CCM2: variants seen among roughly 807,000 people sequenced by gnomAD.
CCM2 encodes the protein cerebral cavernous malformations 2 protein.
A neutral mutation model predicts 44.9 loss-of-function variants in CCM2; 25 were observed. That is an observed-to-expected ratio of 0.56 (90% CI 0.41 to 0.78). The LOEUF (loss-of-function observed/expected upper bound fraction) is 0.78, where lower values mean the gene tolerates loss of function less well. CCM2 is among the 30% of genes least tolerant of loss of function. CCM2 has a pLI of 0.00. For synonymous variants in CCM2, 219 were observed against 241.1 expected, an observed-to-expected ratio of 0.91 and a Z score of 0.85; for missense variants, 481 against 580.6, an observed-to-expected ratio of 0.83 and a Z score of 1.76.
chr7:45,062,106 G>C (rs188589196), intron 2 of CCM2, among the ~76,000 whole-genome samples: 25 of 152,138 alleles, frequency 1.6e-4, no homozygotes, highest in Admixed American at 1.4e-3. Context: ...TCAATTATCT[G>C]ATGGATCTGA....
chr7:45,024,222 T>C (rs1479175198), intron 1 of CCM2, among the ~76,000 whole-genome samples: 1 of 152,202 alleles, frequency 6.6e-6, no homozygotes, highest in Non-Finnish European at 1.5e-5. Context: ...CTGATTATAA[T>C]GTTCAGGAAA....
At chr7:45,040,128 C>G (rs775826070) in intron 2 of CCM2, among the ~76,000 whole-genome samples, 1 of 152,122 alleles carries the variant, frequency 6.6e-6, no homozygotes, top group Non-Finnish European at 1.5e-5. Flanking sequence ...GGTGCTGTGG[C>G]TCATGCCTGT....
intron 1 of CCM2, among the ~76,000 whole-genome samples, chr7:45,034,052 C>T (rs1156681443): frequency 6.6e-6 from 1 of 152,122 alleles, no homozygotes; most frequent in Non-Finnish European, 1.5e-5. Context: ...CAAACTTGTC[C>T]TGGGGCTCAA....
chr7:45,056,219 T>C (rs959593745), intron 2 of CCM2, among the ~76,000 whole-genome samples: 3 of 152,250 alleles, frequency 2.0e-5, no homozygotes, highest in Non-Finnish European at 4.4e-5. Context: ...AATTACTGAA[T>C]CATATGCTAA....
chr7:45,000,446 T>A, intron 1 of CCM2, 83 bp downstream of exon 1: 1 of 49,620 alleles, frequency 2.0e-5, no homozygotes, highest in Non-Finnish European at 3.2e-5. Context: ...CGGGTGTTCC[T>A]TGGGGCCCGG....
At chr7:45,034,600 C>T (rs1483672780) in intron 1 of CCM2, among the ~76,000 whole-genome samples, 4 of 137,954 alleles carry the variant, frequency 2.9e-5, no homozygotes, top group African/African-American at 1.1e-4. Flanking sequence ...CTCACTGCAA[C>T]CTCCGCTTCC....
chr7:45,019,361 C>G (rs1390791653), intron 1 of CCM2, among the ~76,000 whole-genome samples: 3 of 151,698 alleles, frequency 2.0e-5, no homozygotes, highest in Non-Finnish European at 4.4e-5. Context: ...GCCACCGCAC[C>G]TGGCTGGGTT....
intron 1 of CCM2, among the ~76,000 whole-genome samples, chr7:45,033,902 A>G (rs1388842850): frequency 2.6e-5 from 4 of 152,294 alleles, no homozygotes; most frequent in Middle Eastern, 3.4e-3. Flanking sequence ...GATTTTTTGC[A>G]TGGCTAAAAT....
chr7:45,010,385 A>T (rs1796020043), intron 1 of CCM2, among the ~76,000 whole-genome samples: 1 of 152,060 alleles, frequency 6.6e-6, no homozygotes, highest in Non-Finnish European at 1.5e-5. Flanking sequence ...TTTCCACCAT[A>T]GGTTAATTTT....
chr7:45,012,981 A>T (rs573518594), intron 1 of CCM2, among the ~76,000 whole-genome samples: 1 of 152,214 alleles, frequency 6.6e-6, no homozygotes, highest in South Asian at 2.1e-4. Context: ...CTGCCTTTTA[A>T]TTGTGAAGTT....
intron 3 of CCM2, 111 bp downstream of exon 3, chr7:45,064,112 G>GGGTA: frequency 1.3e-6 from 1 of 741,730 alleles, no homozygotes; most frequent in Non-Finnish European, 2.4e-6. Flanking sequence ...ATCACATTAT[G>GGGTA]GGTACACTTG....
chr7:45,004,008 T>A (rs1795748301), intron 1 of CCM2, among the ~76,000 whole-genome samples: 1 of 152,102 alleles, frequency 6.6e-6, no homozygotes, highest in African/African-American at 2.4e-5. Flanking sequence ...AGTGAGACCC[T>A]ATCTCTACAA....
At chr7:45,007,673 A>T (rs1334331457) in intron 1 of CCM2, among the ~76,000 whole-genome samples, 1 of 152,196 alleles carries the variant, frequency 6.6e-6, no homozygotes, top group Non-Finnish European at 1.5e-5. Context: ...TTTAATAAGC[A>T]TAATAGGAAC....
At chr7:45,062,687 G>C (rs552361851) in intron 2 of CCM2, among the ~76,000 whole-genome samples, 1 of 152,082 alleles carries the variant, frequency 6.6e-6, no homozygotes, top group Non-Finnish European at 1.5e-5. Flanking sequence ...TTAGCCAGGC[G>C]TGGTGACACA....
chr7:45,003,274 C>G (rs1484254096), intron 1 of CCM2, among the ~76,000 whole-genome samples: 2 of 151,392 alleles, frequency 1.3e-5, no homozygotes, highest in East Asian at 4.0e-4. Flanking sequence ...CGGGGTTTCT[C>G]CATGTTGGTC....
chr7:45,066,605 A>T (rs1335970895), intron 4 of CCM2, among the ~76,000 whole-genome samples: 1 of 152,202 alleles, frequency 6.6e-6, no homozygotes, highest in African/African-American at 2.4e-5. Context: ...GGAGTGGGGA[A>T]GTTGGGGGCC....
chr7:45,029,140 C>T (rs2128722946), intron 1 of CCM2, among the ~76,000 whole-genome samples: 1 of 152,278 alleles, frequency 6.6e-6, no homozygotes. Context: ...GTTTGTCTGT[C>T]TCCCTCTTTA....
At chr7:45,013,904 A>G (rs1405480329) in intron 1 of CCM2, among the ~76,000 whole-genome samples, 2 of 152,224 alleles carry the variant, frequency 1.3e-5, no homozygotes, top group Non-Finnish European at 2.9e-5. Context: ...ATTGCATCAT[A>G]TCAGGGAAAA....
chr7:45,005,525 G>A (rs545215099), intron 1 of CCM2, among the ~76,000 whole-genome samples: 101 of 135,600 alleles, frequency 7.4e-4, no homozygotes, highest in African/African-American at 2.6e-3. Flanking sequence ...TTTCATTTCC[G>A]TCAGCAGTGC....
Sources: gnomAD v4.1 joint callset for allele counts (sites outside exome capture counted in the v4.1 genomes callset) on GRCh38, gnomAD v4.1.1 for gene constraint, MANE v1.5 for transcripts, NCBI Gene and HGNC (gene_info 2026-07-23, HGNC 2026-07-21) for gene names.